Variants in KIF5C observed in about 807,000 individuals in gnomAD.
The protein encoded by KIF5C is kinesin heavy chain isoform 5C.
A neutral mutation model predicts 125.2 loss-of-function variants in KIF5C; 18 were observed. The ratio of observed to expected loss-of-function variants is 0.14; its 90% CI spans 0.10 to 0.21. The LOEUF is 0.21. Ranked by LOEUF, KIF5C falls within the 10% of genes least tolerant of loss-of-function variation. The pLI, the probability that KIF5C is intolerant of heterozygous loss-of-function variation, is 1.00. For missense variants in KIF5C, 780 were observed against 1,183.8 expected (o/e 0.66, Z 5.01); for synonymous variants, 405 against 434.0 (o/e 0.93, Z 0.83).
chr2:148,949,208 A>C (rs1682597492), intron 8 of KIF5C, among the ~76,000 whole-genome samples: 1 of 152,210 alleles, frequency 6.6e-6, no homozygotes, highest in Non-Finnish European at 1.5e-5. Context: ...AGGAGAAACT[A>C]TGCATGGTCC....
intron 12 of KIF5C, among the ~76,000 whole-genome samples, chr2:148,975,138 T>C (rs1168254361): frequency 6.6e-6 from 1 of 152,114 alleles, no homozygotes; most frequent in Non-Finnish European, 1.5e-5. Context: ...AGGCTAGTAT[T>C]TGTGGTCCCT....
At chr2:148,904,487 G>A (rs181014768) in intron 1 of KIF5C, among the ~76,000 whole-genome samples, 3 of 152,324 alleles carry the variant, frequency 2.0e-5, no homozygotes, top group Admixed American at 2.0e-4. Flanking sequence ...CCTTTCAGAT[G>A]TTGGCTATCA....
At chr2:148,977,460 G>A (rs929710696) in intron 12 of KIF5C, among the ~76,000 whole-genome samples, 5 of 152,202 alleles carry the variant, frequency 3.3e-5, no homozygotes, top group Non-Finnish European at 7.3e-5. Flanking sequence ...ATATTTAAGT[G>A]CTCAGGAACA....
chr2:148,949,404 C>T (rs1682603621), intron 8 of KIF5C, among the ~76,000 whole-genome samples: 1 of 152,074 alleles, frequency 6.6e-6, no homozygotes, highest in Admixed American at 6.5e-5. Context: ...ACTTGGAGCC[C>T]GTAACTTACA....
intron 4 of KIF5C, among the ~76,000 whole-genome samples, chr2:148,938,055 T>G (rs1682328636): frequency 2.0e-5 from 3 of 152,214 alleles, no homozygotes. Context: ...AAATTGGCAT[T>G]AAAAGAGAGA....
At chr2:149,002,573 A>T (rs1681882283) in intron 21 of KIF5C, among the ~76,000 whole-genome samples, 1 of 151,950 alleles carries the variant, frequency 6.6e-6, no homozygotes, top group African/African-American at 2.4e-5. Flanking sequence ...ACACTTTCTC[A>T]CTCGCACATT....
At chr2:148,882,971 A>G (rs550221308) in intron 1 of KIF5C, among the ~76,000 whole-genome samples, 1 of 152,328 alleles carries the variant, frequency 6.6e-6, no homozygotes, top group South Asian at 2.1e-4. Flanking sequence ...CGTCTTTTGA[A>G]AAAAGTGAAA....
chr2:148,946,967 A>G lies in KIF5C; in HGVS notation c.658A>G (p.Thr220Ala). 6.2e-7 allele frequency: 1 copy of G among 1,613,440 alleles called. No individual in the cohort carries two copies. The highest frequency in any genetic ancestry group is 8.5e-7 in the Non-Finnish European group (1 of 1,179,734). ...AAATATTAAACAAGAGAATGTAGAG[A>G]CTGAAAAAAAACTCAGTGGGAAACT... ...LINIKQENVETEKKLSGKLYL... is the reference protein window; with the variant it reads ...LINIKQENVEAEKKLSGKLYL... Residue 220 changes from threonine (T) to alanine (A), a missense_variant, in exon 8 of 26, where the codon ACT (threonine) becomes GCT (alanine). Thr to Ala is a moderately conservative substitution (Grantham distance 58, BLOSUM62 0). This residue lies in a region of KIF5C where 207 missense variants were observed against 441.2 expected (regional missense o/e 0.47). Transcript: ENST00000435030.
chr2:148,901,033 G>T (rs1201646284), intron 1 of KIF5C, among the ~76,000 whole-genome samples: 2 of 152,182 alleles, frequency 1.3e-5, no homozygotes, highest in African/African-American at 4.8e-5. Context: ...AAAAATGGTG[G>T]TTGCTGAGAT....
In KIF5C at chr2:148,875,574, G is replaced by GGCCCCCCCCCCCTCCCCCC; in HGVS notation, c.-37_-36insCCCCCTCCCCCCGCCCCCC. 4.0e-6 allele frequency: 2 copies of GGCCCCCCCCCCCTCCCCCC among 495,094 alleles called. No homozygotes were observed. The highest frequency in any genetic ancestry group is 1.9e-5 in the South Asian group (1 of 53,304). 30.7% of individuals were successfully genotyped at this position (495,094 alleles called of 1,614,324 possible). A position where few individuals can be genotyped will look rare whatever the true frequency, so the allele number is the denominator to read the frequency against. On this transcript the variant is annotated 5_prime_UTR_variant, in exon 1 of 26. Transcript: ENST00000435030. ...CTCCTCCCTCGTCGTTCCCGGCCCC[G>GGCCCCCCCCCCCTCCCCCC]GCCCCCCACCCATCCCCGTGCCCCC...
At position 148,950,466 on chromosome 2, in the gene KIF5C, C is replaced by T. The variant is rs372270668; in HGVS notation, c.968+4C>T. On this transcript the variant is annotated splice_donor_region_variant and intron_variant, in intron 10 of 25. Coordinates refer to ENST00000435030, the MANE Select transcript of KIF5C (RefSeq NM_004522.3). ...CCACACTGATGTTCGGACAGAGGTA[C>T]GTGTGGTCTCTCAGGACCCATCCTC... 64 of 1,612,100 alleles carry T rather than the reference C, an allele frequency of 4.0e-5. No homozygotes were observed. Among genetic ancestry groups the T allele is most frequent in the East Asian group, 6.7e-5 (3 of 44,866 alleles).
chr2:148,939,160 A>G (rs1682354680), intron 4 of KIF5C, among the ~76,000 whole-genome samples: 1 of 151,896 alleles, frequency 6.6e-6, no homozygotes, highest in African/African-American at 2.4e-5. Flanking sequence ...TATTGATAAA[A>G]CTAAGAATAG....
rs1307843936 is a variant in KIF5C at position 149,026,391 on chromosome 2, A to G, written c.*3321A>G. ...TGTGTATCAGTTTTAAATACTGTTC[A>G]TTGTGTGCAGATATAAGGGGAATAG... On this transcript the variant is annotated 3_prime_UTR_variant, in exon 26 of 26. Transcript: ENST00000435030. The G allele has an allele frequency of 1.3e-5, 2 of 152,222 alleles. No individual in the cohort carries two copies. Among genetic ancestry groups the G allele is most frequent in the Non-Finnish European group, 2.9e-5 (2 of 68,042 alleles). 9.4% of individuals were successfully genotyped at this position (152,222 alleles called of 1,614,324 possible).
At position 149,024,517 on chromosome 2, in the gene KIF5C, TGTGTGTG is replaced by T. The variant is rs1400561633; in HGVS notation, c.*1448_*1454del. ...CTGTGTGGGTCGAAGGTAGCTCAAGTGTGTGTGTGTGTGTGTGTGTGTGTGTGTGTGT... is the reference window on the plus strand; with the variant it reads ...CTGTGTGGGTCGAAGGTAGCTCAAGTTGTGTGTGTGTGTGTGTGTGTGTGT... On this transcript the variant is annotated 3_prime_UTR_variant, in exon 26 of 26. Coordinates refer to ENST00000435030, the MANE Select transcript of KIF5C (RefSeq NM_004522.3). The T allele has an allele frequency of 2.2e-3, 2 of 904 alleles. No individual in the cohort carries two copies. The highest frequency in any genetic ancestry group is 0.077 in the East Asian group (2 of 26). The allele number at this position is 904 out of a possible 1,614,324, so 0.1% of individuals were successfully genotyped here. A position where few individuals can be genotyped will look rare whatever the true frequency, so the allele number is the denominator to read the frequency against.
rs114588651 is a variant in KIF5C, at chr2:148,960,691, G to A, written c.969-1280G>A. Among the ~76,000 whole-genome samples, 740 of 152,332 alleles carry A rather than the reference G, an allele frequency of 4.9e-3. 5 individuals carry two copies. Among genetic ancestry groups the A allele is most frequent in the South Asian group, 0.018 (85 of 4,828 alleles). On this transcript the variant is annotated intron_variant, in intron 10 of 25. Transcript: ENST00000435030. ...GCAATGAATTTTTGGAATGACATCTGTAGTGCTGGTGAGGACTGCTGAATT... is the reference window on the plus strand; with the variant it reads ...GCAATGAATTTTTGGAATGACATCTATAGTGCTGGTGAGGACTGCTGAATT...
chr2:148,985,464 T>A (rs1161429130), intron 15 of KIF5C, among the ~76,000 whole-genome samples: 1 of 152,212 alleles, frequency 6.6e-6, no homozygotes, highest in Non-Finnish European at 1.5e-5. Context: ...GTTTCTGGTC[T>A]CTCTATTTTG....
intron 8 of KIF5C, chr2:148,947,283 G>A: frequency 9.5e-6 from 3 of 315,884 alleles, no homozygotes; most frequent in South Asian, 4.8e-5. Flanking sequence ...ATGATATGAG[G>A]CAACAGTTGG....
chr2:148,914,216 CT>C (rs1397964586), intron 1 of KIF5C, among the ~76,000 whole-genome samples: 1 of 152,224 alleles, frequency 6.6e-6, no homozygotes, highest in East Asian at 1.9e-4. Context: ...CTCCTACCCC[CT>C]GTAGGTAAGG....
chr2:149,013,148 C>T (rs868635256), intron 25 of KIF5C, among the ~76,000 whole-genome samples: 10 of 152,190 alleles, frequency 6.6e-5, no homozygotes, highest in Non-Finnish European at 8.8e-5. Flanking sequence ...TGGCGGTTTA[C>T]GTCTGTCTTA....
Sources: gnomAD v4.1 joint callset for allele counts (sites outside exome capture counted in the v4.1 genomes callset) on GRCh38, gnomAD v4.1.1 for gene constraint, gnomAD v4.1.1 regional missense constraint, MANE v1.5 for transcripts, NCBI Gene and HGNC (gene_info 2026-07-23, HGNC 2026-07-21) for gene names.